SRSF12: variants seen among roughly 807,000 people sequenced by gnomAD.
The protein encoded by SRSF12 is serine and arginine rich splicing factor 12, also known as serine/arginine-rich splicing factor 12.
In SRSF12, 21 loss-of-function variants were observed where a neutral mutation model predicts 34.1. The observed-to-expected ratio is 0.62, with a 90% CI of 0.44 to 0.89. The LOEUF is 0.89. SRSF12 is among the 40% of genes least tolerant of loss of function. SRSF12 has a pLI of 0.00. For missense variants in SRSF12, 278 were observed against 327.8 expected (o/e 0.85, Z 1.17); for synonymous variants, 111 against 110.8 (o/e 1.00, Z -0.01).
At chr6:89,111,362 C>T (rs1328204023) in intron 1 of SRSF12, among the ~76,000 whole-genome samples, 1 of 152,130 alleles carries the variant, frequency 6.6e-6, no homozygotes, top group African/African-American at 2.4e-5. Flanking sequence ...TGCAAAGGTT[C>T]TGCACATTTT....
chr6:89,108,294 CCTTACAACCA>C lies in SRSF12; in HGVS notation c.66-1046_66-1037del, dbSNP rs1329748650. 2.6e-5 allele frequency among the ~76,000 whole-genome samples: 4 copies of C among 152,306 alleles called. No individual in the cohort carries two copies. The East Asian group carries it at 7.7e-4, about 29-fold the overall frequency. ...GCATTTATATGTTAGCCAGTGTTCACCTTACAACCACTTAATTCTTACAATTTCCCTGTGG... is the reference window on the plus strand; with the variant it reads ...GCATTTATATGTTAGCCAGTGTTCACCTTAATTCTTACAATTTCCCTGTGG... On this transcript the variant is annotated intron_variant, in intron 1 of 4. Transcript: ENST00000452027.
rs1768308280 is a variant in SRSF12, at chr6:89,097,116, A to G, written c.*1462T>C. The G allele has an allele frequency of 6.6e-6, 1 of 152,222 alleles. No homozygotes were observed. 9.4% of individuals were successfully genotyped at this position (152,222 alleles called of 1,614,324 possible). On this transcript the variant is annotated 3_prime_UTR_variant, in exon 5 of 5. Transcript: ENST00000452027. ...TACATATGGGATCTAATATGCAAAGAAAACTGGAATTTGTATTCAAAACAA... is the reference window on the plus strand; with the variant it reads ...TACATATGGGATCTAATATGCAAAGGAAACTGGAATTTGTATTCAAAACAA...
At chr6:89,108,662 G>A (rs1768903959) in intron 1 of SRSF12, among the ~76,000 whole-genome samples, 1 of 152,172 alleles carries the variant, frequency 6.6e-6, no homozygotes, top group Non-Finnish European at 1.5e-5. Context: ...AAAATTAGAA[G>A]AGAGCTAGAT....
intron 1 of SRSF12, among the ~76,000 whole-genome samples, chr6:89,117,256 A>AT (rs1352389123): frequency 6.6e-6 from 1 of 152,306 alleles, no homozygotes; most frequent in Admixed American, 6.5e-5. Context: ...CATTGAAGTT[A>AT]TTTTTTGTAT....
chr6:89,116,049 C>A (rs1159280146), intron 1 of SRSF12, among the ~76,000 whole-genome samples: 2 of 152,206 alleles, frequency 1.3e-5, no homozygotes, highest in African/African-American at 4.8e-5. Flanking sequence ...AACAATAAGT[C>A]CAGATGTCTA....
chr6:89,107,110 G>T (rs116616091), intron 2 of SRSF12, 44 bp downstream of exon 2: 8 of 1,487,550 alleles, frequency 5.4e-6, no homozygotes, highest in Non-Finnish European at 7.5e-6. Flanking sequence ...GTATAAGCAC[G>T]CATATACAGT....
intron 1 of SRSF12, among the ~76,000 whole-genome samples, chr6:89,107,964 TCA>T (rs1307661177): frequency 6.6e-6 from 1 of 152,238 alleles, no homozygotes; most frequent in Non-Finnish European, 1.5e-5. Flanking sequence ...TCATTTTGCT[TCA>T]CTTTAATTTC....
At chr6:89,111,108 TC>T (rs1442754877) in intron 1 of SRSF12, among the ~76,000 whole-genome samples, 9,367 of 150,520 alleles carry the variant, frequency 0.062, 839 homozygotes, top group African/African-American at 0.2. Flanking sequence ...GTGAGACTTG[TC>T]TTTTTTTTTT....
intron 1 of SRSF12, among the ~76,000 whole-genome samples, chr6:89,109,795 C>T (rs1280303935): frequency 6.6e-6 from 1 of 152,176 alleles, no homozygotes; most frequent in Non-Finnish European, 1.5e-5. Context: ...TATCTACCAA[C>T]AAGATTTATT....
chr6:89,115,004 G>A (rs1769226967), intron 1 of SRSF12, among the ~76,000 whole-genome samples: 1 of 152,016 alleles, frequency 6.6e-6, no homozygotes, highest in Non-Finnish European at 1.5e-5. Context: ...TACCATGTTG[G>A]CCAGGCTGGT....
chr6:89,105,412 T>C lies in SRSF12; in HGVS notation c.274+15A>G, dbSNP rs1300034073. 1 of 1,585,654 alleles carries C rather than the reference T, an allele frequency of 6.3e-7. No individual in the cohort carries two copies. Among genetic ancestry groups the C allele is most frequent in the African/African-American group, 1.4e-5 (1 of 73,302 alleles). Reference sequence around the variant, plus strand: ...TCTGCTGAATAAATAAAATCTAGCATTCAGTCACACTTACTTTTGCGATCA... The same window carrying C: ...TCTGCTGAATAAATAAAATCTAGCACTCAGTCACACTTACTTTTGCGATCA... On this transcript the variant is annotated intron_variant, in intron 3 of 4. Transcript: ENST00000452027.
intron 1 of SRSF12, among the ~76,000 whole-genome samples, chr6:89,115,796 C>T (rs1037535052): frequency 6.2e-5 from 5 of 80,674 alleles, no homozygotes; most frequent in Non-Finnish European, 1.1e-4. Context: ...GCCACCACGC[C>T]CGTCTAATTT....
chr6:89,104,941 C>T (rs1339782888), intron 4 of SRSF12, among the ~76,000 whole-genome samples, 178 bp downstream of exon 4: 5 of 151,828 alleles, frequency 3.3e-5, no homozygotes, highest in East Asian at 1.9e-4. Flanking sequence ...CTGTAGTACC[C>T]GCTACTTGGG....
intron 2 of SRSF12, chr6:89,106,859 T>G (rs917750158): frequency 7.3e-6 from 3 of 413,008 alleles, no homozygotes; most frequent in Admixed American, 6.4e-5. Flanking sequence ...GATAAAGACT[T>G]CCCCTCTTCC....
In SRSF12 at chr6:89,101,109, CA is replaced by C. The variant is rs764910655; in HGVS notation, c.417-2163del. 8.3e-3 allele frequency among the ~76,000 whole-genome samples: 453 copies of C among 54,622 alleles called. 3 individuals carry two copies. Among genetic ancestry groups the C allele is most frequent in the African/African-American group, 0.016 (333 of 20,560 alleles). The allele number at this position is 54,622 out of a possible 152,430, so 35.8% of individuals were successfully genotyped here. On this transcript the variant is annotated intron_variant, in intron 4 of 4. Transcript: ENST00000452027. ...GGGCAACAAGAGAAAACCTCCAAGA[CA>C]AAAAAAAAAAAAAAAGAAAAGAAAT... is the stretch of plus-strand genomic sequence containing the variant.
rs1052836818 is a variant in SRSF12, at chr6:89,098,051, C to G, written c.*527G>C. Reference sequence around the variant, plus strand: ...AATGTATCTTTTGAATGTTTGATCTCTATATATATTCTACTTTTTGGAACA... The same window carrying G: ...AATGTATCTTTTGAATGTTTGATCTGTATATATATTCTACTTTTTGGAACA... On this transcript the variant is annotated 3_prime_UTR_variant, in exon 5 of 5. Transcript: ENST00000452027. 1 of 152,640 alleles carries G rather than the reference C, an allele frequency of 6.6e-6. No individual in the cohort carries two copies. The highest frequency in any genetic ancestry group is 1.5e-5 in the Non-Finnish European group (1 of 68,494). The allele number at this position is 152,640 out of a possible 1,614,324, so 9.5% of individuals were successfully genotyped here. A position where few individuals can be genotyped will look rare whatever the true frequency, so the allele number is the denominator to read the frequency against.
At chr6:89,107,770 C>T (rs1190894066) in intron 1 of SRSF12, among the ~76,000 whole-genome samples, 1 of 151,932 alleles carries the variant, frequency 6.6e-6, no homozygotes, top group Non-Finnish European at 1.5e-5. Context: ...AAAAACCTCC[C>T]TAGATTCTCA....
Position 89,107,574 on chromosome 6 carries a change from T to A in SRSF12, c.66-316A>T, listed in dbSNP as rs143636112. Among the ~76,000 whole-genome samples the A allele has an allele frequency of 8.5e-3, 1,292 of 151,684 alleles. 19 individuals are homozygous for A. Among genetic ancestry groups the A allele is most frequent in the African/African-American group, 0.03 (1,240 of 41,302 alleles). ...GTGAAACCCCGTCTCTACAAAAAAA[T>A]ACAAAAATCAGCCAGGTGTGGTAGC... On this transcript the variant is annotated intron_variant, in intron 1 of 4. Transcript: ENST00000452027.
intron 1 of SRSF12, 34 bp downstream of exon 1, chr6:89,117,789 T>C: frequency 1.3e-6 from 2 of 1,531,786 alleles, no homozygotes; most frequent in Non-Finnish European, 1.8e-6. Context: ...CCGCCCCTCC[T>C]CCGCGCCCCC....
Sources: allele counts gnomAD v4.1 joint callset (sites outside exome capture counted in the v4.1 genomes callset), GRCh38; gene constraint gnomAD v4.1.1; transcripts MANE v1.5; gene names NCBI Gene and HGNC (gene_info 2026-07-23, HGNC 2026-07-21).